Variants in RFX3 observed in about 807,000 individuals in gnomAD.
RFX3 encodes transcription factor RFX3.
A neutral mutation model predicts 98.6 loss-of-function variants in RFX3; 14 were observed. The observed-to-expected ratio is 0.14, with a 90% CI of 0.09 to 0.22. RFX3 has a LOEUF of 0.22. Among genes scored for constraint, RFX3 ranks in the 10% least tolerant of loss-of-function variants. The pLI is 1.00. For synonymous variants in RFX3, 383 were observed against 328.4 expected (o/e 1.17, Z -1.80); for missense variants, 639 against 926.9 (o/e 0.69, Z 4.03).
intron 1 of RFX3, among the ~76,000 whole-genome samples, chr9:3,411,735 C>G (rs977609298): frequency 1.3e-5 from 2 of 151,776 alleles, no homozygotes; most frequent in Non-Finnish European, 2.9e-5. Context: ...AAGTGATCCT[C>G]CTGCCTCGGC....
At chr9:3,447,158 G>A (rs573997648) in intron 1 of RFX3, among the ~76,000 whole-genome samples, 1 of 151,830 alleles carries the variant, frequency 6.6e-6, no homozygotes, top group Non-Finnish European at 1.5e-5. Flanking sequence ...CCTCATTATA[G>A]CAATAACATT....
chr9:3,429,142 C>A (rs1379667016), intron 1 of RFX3, among the ~76,000 whole-genome samples: 1 of 151,028 alleles, frequency 6.6e-6, no homozygotes, highest in Non-Finnish European at 1.5e-5. Context: ...CCTGCCTCAG[C>A]CTCCCAAGTA....
chr9:3,388,467 G>A (rs1263123105), intron 2 of RFX3, among the ~76,000 whole-genome samples: 10 of 152,052 alleles, frequency 6.6e-5, no homozygotes, highest in Non-Finnish European at 1.5e-4. Context: ...TATGTGGAAA[G>A]GCTAAATGTG....
intron 7 of RFX3, among the ~76,000 whole-genome samples, chr9:3,285,363 T>C (rs1049906501): frequency 2.0e-5 from 3 of 151,874 alleles, no homozygotes; most frequent in Admixed American, 6.6e-5. Flanking sequence ...AATTTTGAAA[T>C]TGAAAATTTT....
chr9:3,228,427 T>C (rs1295306390), intron 16 of RFX3, among the ~76,000 whole-genome samples: 1 of 152,238 alleles, frequency 6.6e-6, no homozygotes, highest in Non-Finnish European at 1.5e-5. Flanking sequence ...CTGCTATCTC[T>C]GAGTTCTTTT....
chr9:3,238,608 G>A (rs1255640424), intron 15 of RFX3, among the ~76,000 whole-genome samples: 1 of 152,136 alleles, frequency 6.6e-6, no homozygotes, highest in African/African-American at 2.4e-5. Context: ...CGCAGATTTG[G>A]AACTTCCTGA....
chr9:3,411,803 T>C (rs370235038), intron 1 of RFX3, among the ~76,000 whole-genome samples: 25 of 152,158 alleles, frequency 1.6e-4, no homozygotes, highest in African/African-American at 6.0e-4. Flanking sequence ...TGTTCCCTTC[T>C]CTACCTTTCC....
intron 11 of RFX3, among the ~76,000 whole-genome samples, chr9:3,268,954 G>A (rs938876245): frequency 6.6e-6 from 1 of 151,894 alleles, no homozygotes; most frequent in Non-Finnish European, 1.5e-5. Flanking sequence ...GCTACCCTAT[G>A]CAACTTCTTA....
intron 1 of RFX3, among the ~76,000 whole-genome samples, chr9:3,401,252 G>A (rs1841448221): frequency 6.6e-6 from 1 of 152,176 alleles, no homozygotes; most frequent in Non-Finnish European, 1.5e-5. Context: ...GCATGTTTGA[G>A]GAATATAACC....
At chr9:3,298,759 G>C (rs558064347) in intron 5 of RFX3, among the ~76,000 whole-genome samples, 67 of 151,896 alleles carry the variant, frequency 4.4e-4, no homozygotes, top group African/African-American at 1.6e-3. Context: ...GTTGGATTCT[G>C]CTGAGGGGAT....
chr9:3,349,573 C>G (rs1322853888), intron 2 of RFX3, among the ~76,000 whole-genome samples: 1 of 152,024 alleles, frequency 6.6e-6, no homozygotes, highest in Non-Finnish European at 1.5e-5. Context: ...TTCTATCTTA[C>G]TTACTGCCCC....
chr9:3,305,509 G>A (rs529016763), intron 4 of RFX3, among the ~76,000 whole-genome samples: 34 of 151,972 alleles, frequency 2.2e-4, no homozygotes, highest in Non-Finnish European at 4.1e-4. Flanking sequence ...AATATATCAT[G>A]ACAACGGTGG....
intron 1 of RFX3, among the ~76,000 whole-genome samples, chr9:3,430,920 T>C (rs930059278): frequency 1.3e-5 from 2 of 152,142 alleles, no homozygotes; most frequent in African/African-American, 4.8e-5. Context: ...ATAAAATATA[T>C]ATAAATCCAT....
chr9:3,481,986 T>C (rs1044252608), intron 1 of RFX3, among the ~76,000 whole-genome samples: 1 of 152,062 alleles, frequency 6.6e-6, no homozygotes, highest in African/African-American at 2.4e-5. Flanking sequence ...ACTCTGATAA[T>C]TGATAAAAAT....
intron 6 of RFX3, among the ~76,000 whole-genome samples, chr9:3,290,047 G>A (rs905477402): frequency 6.6e-6 from 1 of 152,062 alleles, no homozygotes; most frequent in African/African-American, 2.4e-5. Flanking sequence ...TAGAAAGAAT[G>A]TCTAGTACCT....
chr9:3,349,441 C>T (rs1042149737), intron 2 of RFX3, among the ~76,000 whole-genome samples: 2 of 151,804 alleles, frequency 1.3e-5, no homozygotes, highest in Admixed American at 6.6e-5. Context: ...TTAGGATTTG[C>T]TGTATTTAAT....
At chr9:3,469,018 G>A (rs777284546) in intron 1 of RFX3, 2 of 331,756 alleles carry the variant, frequency 6.0e-6, no homozygotes, top group South Asian at 2.5e-5. Flanking sequence ...TCTAATTAGT[G>A]TAGCCAAAAT....
At chr9:3,465,518 G>C (rs1848130617) in intron 1 of RFX3, among the ~76,000 whole-genome samples, 1 of 144,924 alleles carries the variant, frequency 6.9e-6, no homozygotes, top group Non-Finnish European at 1.5e-5. Flanking sequence ...TAGCCAGCCT[G>C]GTCTTGAACT....
chr9:3,371,344 T>C lies in RFX3; in HGVS notation c.117+24128A>G, dbSNP rs548281881. 7.5e-4 allele frequency among the ~76,000 whole-genome samples: 115 copies of C among 152,328 alleles called. 1 individual carries two copies. Among genetic ancestry groups the C allele is most frequent in the African/African-American group, 2.7e-3 (112 of 41,588 alleles). On this transcript the variant is annotated intron_variant, in intron 2 of 16. Transcript: ENST00000617270. Reference sequence around the variant, plus strand: ...CTTTAGCAGCACAATTAATTCTTACTCTTTAATTTTAATACTTTATATTAG... The same window carrying C: ...CTTTAGCAGCACAATTAATTCTTACCCTTTAATTTTAATACTTTATATTAG...
Sources: gnomAD v4.1 joint callset for allele counts (sites outside exome capture counted in the v4.1 genomes callset) on GRCh38, gnomAD v4.1.1 for gene constraint, MANE v1.5 for transcripts, NCBI Gene and HGNC (gene_info 2026-07-23, HGNC 2026-07-21) for gene names.